The following PCDH15 variants were observed in gnomAD, a reference collection of about 807,000 sequenced individuals.
PCDH15 encodes the protein protocadherin-15.
PCDH15 carries 129 observed loss-of-function variants against 178.5 expected under a neutral mutation model. The observed-to-expected ratio is 0.72, with a 90% CI of 0.63 to 0.84. The LOEUF is 0.84. Among genes scored for constraint, PCDH15 ranks in the 40% least tolerant of loss-of-function variants. The pLI is 0.00. For synonymous variants in PCDH15, 800 were observed against 732.0 expected, an observed-to-expected ratio of 1.09 and a Z score of -1.50; for missense variants, 2,230 against 2,099.9, an observed-to-expected ratio of 1.06 and a Z score of -1.21.
intron 18 of PCDH15, among the ~76,000 whole-genome samples, chr10:54,060,820 T>C (rs1004048493): frequency 1.3e-5 from 2 of 152,086 alleles, no homozygotes; most frequent in Non-Finnish European, 2.9e-5. Context: ...GGTCGTCTCA[T>C]TAAAGTATGT....
At chr10:54,082,786 C>G (rs2094454474) in intron 16 of PCDH15, among the ~76,000 whole-genome samples, 1 of 150,140 alleles carries the variant, frequency 6.7e-6, no homozygotes, top group Non-Finnish European at 1.5e-5. Flanking sequence ...TTTTGTGCAT[C>G]AAGGGACATT....
chr10:55,167,559 G>A (rs940392291), intron 1 of PCDH15, among the ~76,000 whole-genome samples: 3 of 152,054 alleles, frequency 2.0e-5, no homozygotes, highest in African/African-American at 7.2e-5. Flanking sequence ...ATATAAAATT[G>A]AAGTTATAAA....
At chr10:55,426,664 T>C (rs908119198) in intron 2 of PCDH15, among the ~76,000 whole-genome samples, 1 of 152,162 alleles carries the variant, frequency 6.6e-6, no homozygotes, top group African/African-American at 2.4e-5. Context: ...TATGACAGTC[T>C]TTCGCTTGGT....
chr10:54,715,764 AT>A (rs1406350116), intron 1 of PCDH15, among the ~76,000 whole-genome samples: 2 of 152,016 alleles, frequency 1.3e-5, no homozygotes, highest in African/African-American at 4.8e-5. Context: ...ACGTCCACAG[AT>A]TAGTAGTTTG....
chr10:55,612,295 C>T (rs1843383046), intron 2 of PCDH15, among the ~76,000 whole-genome samples: 1 of 151,908 alleles, frequency 6.6e-6, no homozygotes, highest in African/African-American at 2.4e-5. Context: ...GTTATAAATA[C>T]ATATAATTAA....
intron 13 of PCDH15, among the ~76,000 whole-genome samples, chr10:54,181,565 C>T (rs1321372076): frequency 6.6e-6 from 1 of 152,044 alleles, no homozygotes; most frequent in South Asian, 2.1e-4. Context: ...TAGTAGTCCC[C>T]AGTGTCTTTT....
chr10:54,992,852 C>T lies in PCDH15; in HGVS notation c.-79-95352G>A, dbSNP rs1410172772. 1.3e-5 allele frequency among the ~76,000 whole-genome samples: 2 copies of T among 151,744 alleles called. 1 individual carries two copies. Among genetic ancestry groups the T allele is most frequent in the Non-Finnish European group, 2.9e-5 (2 of 67,974 alleles). ...GCTTTTGGGTCTCTGGTTTGCTTTACTATTTAATTTATTTATATTTTAGAG... is the reference window on the plus strand; with the variant it reads ...GCTTTTGGGTCTCTGGTTTGCTTTATTATTTAATTTATTTATATTTTAGAG... On this transcript the variant is annotated intron_variant, in intron 2 of 5. Coordinates refer to the PCDH15 transcript ENST00000458638.
At chr10:55,166,199 T>A (rs1839191954) in intron 2 of PCDH15, among the ~76,000 whole-genome samples, 1 of 152,132 alleles carries the variant, frequency 6.6e-6, no homozygotes, top group Non-Finnish European at 1.5e-5. Context: ...GATGGCCCTT[T>A]GACACACAAT....
At chr10:55,174,863 A>T (rs72801682) in intron 1 of PCDH15, among the ~76,000 whole-genome samples, 17,667 of 152,178 alleles carry the variant, frequency 0.12, 1,457 homozygotes, top group Non-Finnish European at 0.17. Flanking sequence ...CCTTTTCTCT[A>T]CAAGACTTAA....
At chr10:55,545,156 G>A (rs1442511440) in intron 2 of PCDH15, among the ~76,000 whole-genome samples, 2 of 151,928 alleles carry the variant, frequency 1.3e-5, no homozygotes, top group African/African-American at 4.8e-5. Flanking sequence ...TGTGCTGTAA[G>A]TACCACAGAA....
intron 6 of PCDH15, among the ~76,000 whole-genome samples, chr10:54,343,454 A>G: frequency 6.6e-6 from 1 of 152,072 alleles, no homozygotes; most frequent in East Asian, 1.9e-4. Context: ...ATTTAAAATT[A>G]TTTTATTATA....
chr10:54,866,010 A>G (rs1361431192), intron 3 of PCDH15, among the ~76,000 whole-genome samples: 1 of 152,218 alleles, frequency 6.6e-6, no homozygotes, highest in African/African-American at 2.4e-5. Flanking sequence ...CAAAGTGAAT[A>G]TGATCAAGAT....
intron 3 of PCDH15, among the ~76,000 whole-genome samples, chr10:54,882,174 A>G (rs1954275989): frequency 6.6e-6 from 1 of 152,134 alleles, no homozygotes; most frequent in South Asian, 2.1e-4. Context: ...ATCTGTTATT[A>G]GTAATATATT....
chr10:54,492,561 T>G (rs558363513), intron 3 of PCDH15, among the ~76,000 whole-genome samples: 50 of 152,260 alleles, frequency 3.3e-4, no homozygotes, highest in African/African-American at 6.0e-4. Context: ...TCCAAAATTA[T>G]TAAATGGATA....
chr10:54,119,725 AT>A (rs1006832617), intron 15 of PCDH15, among the ~76,000 whole-genome samples: 171 of 148,432 alleles, frequency 1.2e-3, no homozygotes, highest in East Asian at 7.8e-3. Flanking sequence ...ACTTAAGAAA[AT>A]TTTTTTTTTT....
intron 13 of PCDH15, among the ~76,000 whole-genome samples, chr10:54,178,935 T>C (rs2047707518): frequency 6.6e-6 from 1 of 152,072 alleles, no homozygotes; most frequent in Non-Finnish European, 1.5e-5. Flanking sequence ...CTGGAGAGGA[T>C]GTGGAGAAAT....
At chr10:54,659,083 T>C (rs916692710) in intron 2 of PCDH15, among the ~76,000 whole-genome samples, 4 of 152,070 alleles carry the variant, frequency 2.6e-5, no homozygotes, top group African/African-American at 7.2e-5. Flanking sequence ...CCTAAATATA[T>C]GCACCCAACA....
chr10:54,745,765 G>A (rs968232470), intron 1 of PCDH15, among the ~76,000 whole-genome samples: 4 of 152,262 alleles, frequency 2.6e-5, no homozygotes, highest in East Asian at 1.9e-4. Context: ...AATCTGCAGC[G>A]AAGGCCAGAG....
chr10:53,938,205 A>C (rs1227018256), intron 25 of PCDH15, among the ~76,000 whole-genome samples: 1 of 152,144 alleles, frequency 6.6e-6, no homozygotes, highest in Non-Finnish European at 1.5e-5. Context: ...TCGGAGTCAC[A>C]GAACGTGGGC....
Sources: gnomAD v4.1 joint callset for allele counts (sites outside exome capture counted in the v4.1 genomes callset) on GRCh38, gnomAD v4.1.1 for gene constraint, MANE v1.5 for transcripts, NCBI Gene and HGNC (gene_info 2026-07-23, HGNC 2026-07-21) for gene names.